Variants in ABHD18 observed in about 807,000 individuals in gnomAD.
ABHD18 encodes abhydrolase domain containing 18.
Under a neutral mutation model 65.9 loss-of-function variants are expected in ABHD18, and 55 were observed. The ratio of observed to expected loss-of-function variants is 0.84; its 90% CI spans 0.67 to 1.05. The LOEUF is 1.05. Ranked by LOEUF, ABHD18 falls within the 50% of genes least tolerant of loss-of-function variation. The pLI is 0.00. For missense variants in ABHD18, 533 were observed against 558.5 expected (o/e 0.95, Z 0.46); for synonymous variants, 181 against 180.2 (o/e 1.00, Z -0.04).
rs1309774885 is a variant in ABHD18 at position 128,039,782 on chromosome 4, C to G, written c.*3969C>G. 6.6e-6 allele frequency: 1 copy of G among 151,538 alleles called. No individual in the cohort carries two copies. Among genetic ancestry groups the G allele is most frequent in the African/African-American group, 2.4e-5 (1 of 41,208 alleles). 9.4% of individuals were successfully genotyped at this position (151,538 alleles called of 1,614,324 possible). A position where few individuals can be genotyped will look rare whatever the true frequency, so the allele number is the denominator to read the frequency against. On this transcript the variant is annotated 3_prime_UTR_variant, in exon 13 of 13. Coordinates refer to ENST00000645843, the MANE Select transcript of ABHD18 (RefSeq NM_001358451.3). ...CACATGTCACATTTGATTAATGTAC[C>G]CAAACTTGAACTGAGTGTATATGTT...
intron 7 of ABHD18, among the ~76,000 whole-genome samples, chr4:128,012,859 A>G (rs1754806551): frequency 6.6e-6 from 1 of 151,980 alleles, no homozygotes; most frequent in Admixed American, 6.6e-5. Context: ...TGGTGTCAGT[A>G]GTTCGAGACC....
intron 1 of ABHD18, among the ~76,000 whole-genome samples, chr4:127,978,416 C>T (rs1049610201): frequency 2.6e-5 from 4 of 151,990 alleles, no homozygotes; most frequent in East Asian, 1.9e-4. Flanking sequence ...ACTTTTACAG[C>T]GTATTGAGGA....
chr4:127,974,823 C>T (rs966642094), intron 1 of ABHD18, among the ~76,000 whole-genome samples: 31 of 151,738 alleles, frequency 2.0e-4, no homozygotes, highest in South Asian at 8.4e-4. Flanking sequence ...GGTGAAACCC[C>T]GTCTCTACTA....
intron 11 of ABHD18, 83 bp from the exon 12 acceptor site, chr4:128,030,427 A>T: frequency 3.2e-6 from 3 of 945,328 alleles, no homozygotes. Context: ...GTTTAGTTTG[A>T]CGAATGTTTT....
intron 4 of ABHD18, among the ~76,000 whole-genome samples, chr4:127,996,243 T>G (rs1450178007): frequency 6.6e-6 from 1 of 152,188 alleles, no homozygotes; most frequent in East Asian, 1.9e-4. Context: ...CCTTTTCACT[T>G]TTATCGGGGG....
At chr4:128,030,851 T>A in intron 12 of ABHD18, 179 bp downstream of exon 12, 2 of 1,360,298 alleles carry the variant, frequency 1.5e-6, no homozygotes, top group Non-Finnish European at 1.9e-6. Context: ...TTTGATCTTC[T>A]TATTTTCTTC....
At chr4:128,010,435 A>C (rs953080875) in intron 6 of ABHD18, among the ~76,000 whole-genome samples, 2 of 152,108 alleles carry the variant, frequency 1.3e-5, no homozygotes, top group Non-Finnish European at 2.9e-5. Flanking sequence ...AGGCTGAGGC[A>C]GGAGAATCAC....
At chr4:127,970,904 G>C (rs998353579) in intron 1 of ABHD18, among the ~76,000 whole-genome samples, 1 of 151,828 alleles carries the variant, frequency 6.6e-6, no homozygotes, top group Non-Finnish European at 1.5e-5. Flanking sequence ...GTAAAACACT[G>C]TCTCTACTAA....
At chr4:128,021,050 A>AT in intron 9 of ABHD18, 87 bp from the exon 10 acceptor site, 13 of 692,480 alleles carry the variant, frequency 1.9e-5, no homozygotes, top group Admixed American at 3.1e-5. Flanking sequence ...AAAAAAAAAA[A>AT]GGTAGTCTCA....
intron 10 of ABHD18, among the ~76,000 whole-genome samples, chr4:128,024,800 C>T (rs562718683): frequency 3.2e-4 from 49 of 151,958 alleles, no homozygotes; most frequent in Non-Finnish European, 6.3e-4. Flanking sequence ...TCAAGCGATT[C>T]TCCTGCCTCA....
chr4:128,016,103 G>A (rs553047327), intron 7 of ABHD18, among the ~76,000 whole-genome samples: 1 of 151,874 alleles, frequency 6.6e-6, no homozygotes, highest in Admixed American at 6.6e-5. Context: ...ACAGGCGCGT[G>A]CCACCACGCC....
chr4:127,975,339 T>C (rs1747709296), intron 1 of ABHD18, among the ~76,000 whole-genome samples: 1 of 152,166 alleles, frequency 6.6e-6, no homozygotes, highest in African/African-American at 2.4e-5. Context: ...GCAACCATCC[T>C]TCTACTTTCT....
chr4:127,982,146 A>G (rs1395265579), intron 1 of ABHD18, among the ~76,000 whole-genome samples: 1 of 152,212 alleles, frequency 6.6e-6, no homozygotes, highest in African/African-American at 2.4e-5. Flanking sequence ...ATTGATGGAA[A>G]TGCAGATTTC....
chr4:127,975,704 T>C (rs934721218), intron 1 of ABHD18, among the ~76,000 whole-genome samples: 1 of 152,248 alleles, frequency 6.6e-6, no homozygotes, highest in Non-Finnish European at 1.5e-5. Flanking sequence ...TTACTTTAGA[T>C]AGAATATTAA....
intron 9 of ABHD18, 42 bp downstream of exon 9, chr4:128,020,211 A>G: frequency 1.3e-6 from 2 of 1,507,410 alleles, no homozygotes; most frequent in Non-Finnish European, 1.8e-6. Context: ...ATATATAATT[A>G]GAGGTAATTG....
intron 3 of ABHD18, among the ~76,000 whole-genome samples, chr4:127,987,740 A>G (rs1446391100): frequency 6.6e-6 from 1 of 152,008 alleles, no homozygotes; most frequent in Non-Finnish European, 1.5e-5. Context: ...AAATAAATAC[A>G]TAAGAAGAAC....
In ABHD18 at chr4:128,028,858, T is replaced by C; in HGVS notation, c.1180+5T>C. The C allele has an allele frequency of 6.6e-7, 1 of 1,520,408 alleles. No homozygotes were observed. The highest frequency in any genetic ancestry group is 8.8e-7 in the Non-Finnish European group (1 of 1,135,708). 94.2% of individuals were successfully genotyped at this position (1,520,408 alleles called of 1,614,324 possible). A position where few individuals can be genotyped will look rare whatever the true frequency, so the allele number is the denominator to read the frequency against. ...CTCATGTAGCAAATTTCTCAGGTAC[T>C]AATTTTTATATGAAATTGAGAATAT... On this transcript the variant is annotated splice_donor_5th_base_variant and intron_variant, in intron 11 of 12. Coordinates refer to ENST00000645843, the MANE Select transcript of ABHD18 (RefSeq NM_001358451.3).
chr4:127,984,399 C>T lies in ABHD18; in HGVS notation c.153C>T (p.Ser51=), dbSNP rs201269910. 1.2e-5 allele frequency: 19 copies of T among 1,548,320 alleles called. No homozygotes were observed. In the African/African-American group the frequency reaches 1.8e-4, roughly 15 times the overall value. Residue 51 remains serine (S), a synonymous_variant, in exon 3 of 13, where the codon AGC becomes AGT. Transcript: ENST00000645843. Reference sequence around the variant, plus strand: ...AAAGATGCCAGAATCTGGTTTCAAGCGATTATCCAGTACACATTGATAAGG... The same window carrying T: ...AAAGATGCCAGAATCTGGTTTCAAGTGATTATCCAGTACACATTGATAAGG... The part of the protein sequence containing the change: ...NRERCQNLVS[S]DYPVHIDKIE...
At chr4:128,030,380 T>C in intron 11 of ABHD18, 130 bp from the exon 12 acceptor site, 1 of 562,114 alleles carries the variant, frequency 1.8e-6, no homozygotes. Context: ...ATGAGTAAGG[T>C]AGCATATTAT....
Sources: gnomAD v4.1 joint callset for allele counts (sites outside exome capture counted in the v4.1 genomes callset) on GRCh38, gnomAD v4.1.1 for gene constraint, MANE v1.5 for transcripts, NCBI Gene and HGNC (gene_info 2026-07-23, HGNC 2026-07-21) for gene names.